The following NTM variants were observed in gnomAD, a reference collection of about 807,000 sequenced individuals.
NTM encodes IgLON family member 2.
Under a neutral mutation model 42.1 loss-of-function variants are expected in NTM, and 13 were observed. The observed-to-expected ratio is 0.31, with a 90% CI of 0.20 to 0.49. NTM has a LOEUF of 0.49. Among genes scored for constraint, NTM ranks in the 20% least tolerant of loss-of-function variants. The pLI, the probability that NTM is intolerant of heterozygous loss-of-function variation, is 0.99. For synonymous variants in NTM, 187 were observed against 179.2 expected (o/e 1.04, Z -0.35); for missense variants, 373 against 452.8 (o/e 0.82, Z 1.60).
At chr11:131,989,717 G>GCA (rs57222149) in intron 2 of NTM, among the ~76,000 whole-genome samples, 26,847 of 149,232 alleles carry the variant, frequency 0.18, 2,547 homozygotes, top group East Asian at 0.43. Context: ...TTAGATACAT[G>GCA]CACACACACA....
chr11:131,882,146 G>A (rs1187898335), intron 1 of NTM, among the ~76,000 whole-genome samples: 1 of 152,198 alleles, frequency 6.6e-6, no homozygotes, highest in East Asian at 1.9e-4. Context: ...GAGAATCAGA[G>A]TTGGTAATCA....
At chr11:131,740,184 G>A (rs904961789) in intron 1 of NTM, among the ~76,000 whole-genome samples, 1 of 152,170 alleles carries the variant, frequency 6.6e-6, no homozygotes, top group African/African-American at 2.4e-5. Flanking sequence ...CGTTGTAAGA[G>A]TGTATTCAAT....
At chr11:131,917,171 T>TAGCAG (rs933970859) in intron 2 of NTM, among the ~76,000 whole-genome samples, 2 of 152,262 alleles carry the variant, frequency 1.3e-5, no homozygotes, top group African/African-American at 4.8e-5. Context: ...TCTGTCTTGT[T>TAGCAG]AGCAGTGTCT....
At chr11:131,458,633 T>G (rs1455920608) in intron 1 of NTM, among the ~76,000 whole-genome samples, 1 of 152,222 alleles carries the variant, frequency 6.6e-6, no homozygotes, top group Non-Finnish European at 1.5e-5. Context: ...CTCACATTTG[T>G]GTCTTATCTC....
At chr11:131,673,514 A>G (rs952099420) in intron 1 of NTM, among the ~76,000 whole-genome samples, 6 of 152,098 alleles carry the variant, frequency 3.9e-5, no homozygotes, top group Non-Finnish European at 8.8e-5. Context: ...TCTCTTCATC[A>G]TCTGGGTCAC....
intron 1 of NTM, among the ~76,000 whole-genome samples, chr11:131,600,067 G>T (rs891022053): frequency 6.6e-6 from 1 of 152,204 alleles, no homozygotes; most frequent in Non-Finnish European, 1.5e-5. Flanking sequence ...GTTGAGCCAC[G>T]TGGAGGAACT....
intron 1 of NTM, among the ~76,000 whole-genome samples, chr11:131,640,044 G>C (rs1020398261): frequency 6.6e-6 from 1 of 152,164 alleles, no homozygotes; most frequent in Non-Finnish European, 1.5e-5. Context: ...GTTCTATTGA[G>C]CTAGGAAGAC....
intron 1 of NTM, among the ~76,000 whole-genome samples, chr11:131,460,840 C>G (rs1286325690): frequency 6.6e-6 from 1 of 152,204 alleles, no homozygotes; most frequent in Non-Finnish European, 1.5e-5. Context: ...AGGCGTGAAC[C>G]ACCGCGCCCT....
intron 1 of NTM, among the ~76,000 whole-genome samples, chr11:131,687,699 C>T (rs572586992): frequency 4.0e-4 from 61 of 152,340 alleles, no homozygotes; most frequent in Admixed American, 3.3e-3. Flanking sequence ...GTTTGTGCTC[C>T]TCAAAGAACA....
intron 2 of NTM, among the ~76,000 whole-genome samples, chr11:132,130,010 G>A (rs114899027): frequency 0.01 from 1,590 of 152,286 alleles, 32 homozygotes; most frequent in African/African-American, 0.036. Context: ...GTTCTTAACA[G>A]GTTTGGATGA....
intron 1 of NTM, chr11:131,795,385 A>T (rs985456538): frequency 3.0e-6 from 3 of 984,514 alleles, no homozygotes; most frequent in South Asian, 9.4e-5. Flanking sequence ...AGCATCACTT[A>T]AAAAGGGAAT....
intron 1 of NTM, among the ~76,000 whole-genome samples, chr11:131,656,220 G>GA (rs996147272): frequency 1.3e-5 from 2 of 152,102 alleles, no homozygotes; most frequent in African/African-American, 2.4e-5. Context: ...AAGACCTCAG[G>GA]AAAAAAAGTG....
At chr11:131,383,541 G>C (rs754622830) in intron 1 of NTM, among the ~76,000 whole-genome samples, 2 of 152,298 alleles carry the variant, frequency 1.3e-5, no homozygotes, top group Non-Finnish European at 2.9e-5. Context: ...CTACAGGGAA[G>C]AGAGCATGGT....
chr11:131,522,196 A>C (rs1448967696), intron 1 of NTM, among the ~76,000 whole-genome samples: 1 of 152,060 alleles, frequency 6.6e-6, no homozygotes, highest in Non-Finnish European at 1.5e-5. Flanking sequence ...TCCCCGGCTG[A>C]CTTTTGAGTG....
At chr11:132,062,094 C>T (rs1223153730) in intron 2 of NTM, among the ~76,000 whole-genome samples, 2 of 152,136 alleles carry the variant, frequency 1.3e-5, no homozygotes, top group Admixed American at 6.5e-5. Flanking sequence ...TACAGTCACT[C>T]TAATCAACTC....
chr11:131,405,572 G>A (rs915619364), intron 1 of NTM, among the ~76,000 whole-genome samples: 1 of 152,090 alleles, frequency 6.6e-6, no homozygotes, highest in Non-Finnish European at 1.5e-5. Context: ...CTTCATGAAA[G>A]GCACCTTGCC....
intron 1 of NTM, chr11:131,662,269 G>A (rs1454240281): frequency 6.6e-6 from 1 of 152,216 alleles, no homozygotes; most frequent in African/African-American, 2.4e-5. Context: ...TAGGAAAAGT[G>A]TCACCATATG....
chr11:132,004,624 T>TCACA (rs1565928154), intron 2 of NTM, among the ~76,000 whole-genome samples: 6 of 146,356 alleles, frequency 4.1e-5, no homozygotes, highest in African/African-American at 1.6e-4. Flanking sequence ...TCTCTCTCTC[T>TCACA]CTCTCTCTCT....
intron 1 of NTM, among the ~76,000 whole-genome samples, chr11:131,465,950 G>T (rs868274697): frequency 2.0e-5 from 3 of 152,252 alleles, no homozygotes; most frequent in Non-Finnish European, 4.4e-5. Context: ...ATGACCACAA[G>T]GGGGCATGGC....
Sources: gnomAD v4.1 joint callset for allele counts (sites outside exome capture counted in the v4.1 genomes callset) on GRCh38, gnomAD v4.1.1 for gene constraint, MANE v1.5 for transcripts, NCBI Gene and HGNC (gene_info 2026-07-23, HGNC 2026-07-21) for gene names.